FRAS1: variants seen among roughly 807,000 people sequenced by gnomAD.
FRAS1 encodes Fraser extracellular matrix complex subunit 1.
Under a neutral mutation model 435.2 loss-of-function variants are expected in FRAS1, and 290 were observed. The ratio of observed to expected loss-of-function variants is 0.67; its 90% CI spans 0.61 to 0.73. The LOEUF (loss-of-function observed/expected upper bound fraction) is 0.73, where lower values mean the gene tolerates loss of function less well. Among genes scored for constraint, FRAS1 ranks in the 30% least tolerant of loss-of-function variants. FRAS1 has a pLI of 0.00. For synonymous variants in FRAS1, 1,800 were observed against 1,851.0 expected, an observed-to-expected ratio of 0.97 and a Z score of 0.71; for missense variants, 4,860 against 5,001.5, an observed-to-expected ratio of 0.97 and a Z score of 0.85.
At chr4:78,115,701 C>T (rs184079806) in intron 2 of FRAS1, among the ~76,000 whole-genome samples, 3 of 152,044 alleles carry the variant, frequency 2.0e-5, no homozygotes, top group Non-Finnish European at 4.4e-5. Flanking sequence ...TTTATTGCAT[C>T]TATTTGATTC....
intron 27 of FRAS1, among the ~76,000 whole-genome samples, chr4:78,382,433 T>C (rs1032078213): frequency 6.6e-6 from 1 of 152,092 alleles, no homozygotes; most frequent in Non-Finnish European, 1.5e-5. Flanking sequence ...AACAGTGATA[T>C]ACTGAACACT....
Position 78,387,543 on chromosome 4 carries a change from G to A in FRAS1, c.3817G>A (p.Ala1273Thr). Residue 1273 changes from alanine to threonine, a missense_variant, in exon 29 of 74, where the codon GCA becomes ACA. Coordinates refer to ENST00000512123, the MANE Select transcript of FRAS1 (RefSeq NM_025074.7). ...ATTGCTTCAGACACTTCAGTCCCCG[G>A]CAACCCCTATCTATCAATTCCAGCT... ...GQLLQTLQSP[A>T]TPIYQFQLDE... is the part of the protein sequence containing the mutation. 1 of 1,613,522 alleles carries A rather than the reference G, an allele frequency of 6.2e-7. No homozygotes were observed. Among genetic ancestry groups the A allele is most frequent in the Non-Finnish European group, 8.5e-7 (1 of 1,179,790 alleles).
chr4:78,382,554 G>A (rs1279123645), intron 27 of FRAS1, among the ~76,000 whole-genome samples: 2 of 152,122 alleles, frequency 1.3e-5, no homozygotes, highest in Non-Finnish European at 2.9e-5. Context: ...TGAAGCCTGA[G>A]GTGGTGGTGG....
At chr4:78,281,310 A>G (rs1727319082) in intron 10 of FRAS1, 88 bp from the exon 11 acceptor site, 1 of 859,384 alleles carries the variant, frequency 1.2e-6, no homozygotes, top group Non-Finnish European at 1.8e-6. Flanking sequence ...TTCCTTGGGA[A>G]AAATGGATAA....
chr4:78,498,447 A>G (rs1720573041), intron 60 of FRAS1, among the ~76,000 whole-genome samples: 1 of 151,842 alleles, frequency 6.6e-6, no homozygotes, highest in East Asian at 1.9e-4. Flanking sequence ...TGGAAGTTGC[A>G]GTGAGCTGAG....
intron 27 of FRAS1, among the ~76,000 whole-genome samples, chr4:78,383,666 A>C (rs1266419425): frequency 6.6e-6 from 1 of 152,164 alleles, no homozygotes; most frequent in Non-Finnish European, 1.5e-5. Flanking sequence ...ATTTGTTGGG[A>C]AGAGGGAATC....
At chr4:78,489,609 A>T (rs531334549) in intron 59 of FRAS1, among the ~76,000 whole-genome samples, 1 of 152,300 alleles carries the variant, frequency 6.6e-6, no homozygotes, top group East Asian at 1.9e-4. Flanking sequence ...ATTTTTAATG[A>T]TGTCATCTAT....
At chr4:78,088,566 TC>T (rs1741330475) in intron 2 of FRAS1, among the ~76,000 whole-genome samples, 1 of 151,968 alleles carries the variant, frequency 6.6e-6, no homozygotes, top group Non-Finnish European at 1.5e-5. Flanking sequence ...TACAATGAAC[TC>T]AAACAAATTT....
At chr4:78,343,542 C>G (rs1730482793) in intron 20 of FRAS1, among the ~76,000 whole-genome samples, 2 of 151,916 alleles carry the variant, frequency 1.3e-5, no homozygotes, top group Admixed American at 1.3e-4. Context: ...TGCTGAAGAG[C>G]ATTGCTGTTA....
chr4:78,477,684 TG>T, intron 54 of FRAS1, 130 bp from the exon 55 acceptor site: 1 of 1,148,914 alleles, frequency 8.7e-7, no homozygotes, highest in Non-Finnish European at 1.2e-6. Context: ...GAACCAGGGC[TG>T]GGAGAACCAG....
In FRAS1 at chr4:78,450,199, A is replaced by C. The variant is rs921444831; in HGVS notation, c.6323A>C (p.Asp2108Ala). 6.2e-7 allele frequency: 1 copy of C among 1,613,784 alleles called. No homozygotes were observed. The highest frequency in any genetic ancestry group is 1.7e-4 in the Middle Eastern group (1 of 6,056). The change falls in exon 45 of 74, where the codon GAC (aspartate) becomes GCC (alanine). Residue 2108 changes from aspartate to alanine, a missense_variant. Asp to Ala is a moderately radical substitution (Grantham distance 126). Coordinates refer to ENST00000512123, the MANE Select transcript of FRAS1 (RefSeq NM_025074.7). ...TEQHLKVTDI[D>A]SDDHQVMYIM... ...CAGCACTTGAAAGTGACAGATATTG[A>C]CTCAGATGACCATCAGGTTATGTAC...
intron 29 of FRAS1, among the ~76,000 whole-genome samples, chr4:78,388,457 C>G (rs1732314916): frequency 6.6e-6 from 1 of 151,630 alleles, no homozygotes; most frequent in African/African-American, 2.4e-5. Context: ...GATGAGCAAA[C>G]TCTTTTGGTA....
intron 31 of FRAS1, 138 bp downstream of exon 31, chr4:78,407,979 A>G (rs2110353765): frequency 1.4e-6 from 1 of 709,412 alleles, no homozygotes. Context: ...TTTTCATGCT[A>G]CTGATAAAGA....
At chr4:78,414,424 C>T (rs545687580) in intron 32 of FRAS1, among the ~76,000 whole-genome samples, 7 of 152,114 alleles carry the variant, frequency 4.6e-5, no homozygotes, top group South Asian at 2.1e-4. Context: ...TGCATACTTG[C>T]GAATTAGGTC....
intron 63 of FRAS1, among the ~76,000 whole-genome samples, chr4:78,510,095 T>C (rs1720984401): frequency 6.6e-6 from 1 of 152,216 alleles, no homozygotes; most frequent in African/African-American, 2.4e-5. Context: ...TAGTTCAAAT[T>C]TAAATAGTCT....
intron 9 of FRAS1, among the ~76,000 whole-genome samples, chr4:78,275,825 G>C (rs1446488660): frequency 6.6e-6 from 1 of 152,088 alleles, no homozygotes; most frequent in African/African-American, 2.4e-5. Flanking sequence ...GTATCTTTGT[G>C]GCGTTCTCTG....
intron 9 of FRAS1, among the ~76,000 whole-genome samples, chr4:78,272,061 A>G (rs1397197284): frequency 9.9e-5 from 15 of 152,194 alleles, no homozygotes; most frequent in Non-Finnish European, 2.2e-4. Context: ...TTCTCTGATG[A>G]CCAGTGACGA....
At chr4:78,181,813 G>C in intron 2 of FRAS1, 1 of 1,612,134 alleles carries the variant, frequency 6.2e-7, no homozygotes, top group Non-Finnish European at 8.5e-7. Flanking sequence ...GCGGGTTCTT[G>C]CGGTCTTTCT....
intron 29 of FRAS1, among the ~76,000 whole-genome samples, chr4:78,396,441 A>G (rs1447869130): frequency 6.6e-6 from 1 of 152,210 alleles, no homozygotes; most frequent in Non-Finnish European, 1.5e-5. Flanking sequence ...AAACTCCCTC[A>G]GCCTTTGTCT....
Sources: allele counts gnomAD v4.1 joint callset (sites outside exome capture counted in the v4.1 genomes callset), GRCh38; gene constraint gnomAD v4.1.1; transcripts MANE v1.5; gene names NCBI Gene and HGNC (gene_info 2026-07-23, HGNC 2026-07-21).